BRD3: variants seen among roughly 807,000 people sequenced by gnomAD.
BRD3 encodes bromodomain-containing protein 3.
Under a neutral mutation model 66.8 loss-of-function variants are expected in BRD3, and 17 were observed. The ratio of observed to expected loss-of-function variants is 0.25; its 90% CI spans 0.17 to 0.38. The LOEUF (loss-of-function observed/expected upper bound fraction) is 0.38. BRD3 is among the 10% of genes least tolerant of loss of function. BRD3 has a pLI of 1.00. For synonymous variants in BRD3, 421 were observed against 393.2 expected, an observed-to-expected ratio of 1.07 and a Z score of -0.84; for missense variants, 713 against 956.1, an observed-to-expected ratio of 0.75 and a Z score of 3.35.
intron 1 of BRD3, among the ~76,000 whole-genome samples, chr9:134,064,100 C>T (rs118176937): frequency 0.013 from 1,992 of 152,326 alleles, 19 homozygotes; most frequent in Middle Eastern, 0.02. Flanking sequence ...GCCAACAGCA[C>T]GGACACAACA....
chr9:134,034,671 G>A (rs1210168349), intron 11 of BRD3, 30 bp downstream of exon 11: 2 of 1,600,328 alleles, frequency 1.2e-6, no homozygotes, highest in Admixed American at 1.7e-5. Flanking sequence ...CCCCCCTAAA[G>A]AGGGGTGGCA....
intron 1 of BRD3, chr9:134,055,812 G>A (rs1830410044): frequency 2.0e-5 from 3 of 152,758 alleles, no homozygotes; most frequent in Admixed American, 2.0e-4. Context: ...CACAAAGGAA[G>A]GCTCCCAGGC....
In BRD3 at chr9:134,050,549, G is replaced by T. The variant is rs201977681; in HGVS notation, c.539C>A (p.Ala180Glu). Residue 180 changes from alanine to glutamate, a missense_variant, in exon 5 of 12, where the codon GCG (alanine) becomes GAG (glutamate). This residue lies in a region of BRD3 where 120 missense variants were observed against 122.8 expected (regional missense o/e 0.98). Coordinates refer to ENST00000303407, the MANE Select transcript of BRD3 (RefSeq NM_007371.4). ...GGGGGGCACGCTCTGAAAGGGGGTC[G>T]CTGGGGAGACAGAGGACACGGCCGC... ...QVAAVSSVSP[A>E]TPFQSVPPTV... 1.8e-5 allele frequency: 29 copies of T among 1,605,010 alleles called. No individual in the cohort carries two copies. Among genetic ancestry groups the T allele is most frequent in the Non-Finnish European group, 2.3e-5 (27 of 1,176,918 alleles).
chr9:134,066,369 G>C (rs1830653041), intron 1 of BRD3, among the ~76,000 whole-genome samples: 1 of 152,186 alleles, frequency 6.6e-6, no homozygotes, highest in Admixed American at 6.5e-5. Context: ...ATTTGCAAAT[G>C]AGAGGCTGCA....
intron 1 of BRD3, chr9:134,055,933 A>G (rs1830413535): frequency 1.3e-5 from 2 of 152,382 alleles, no homozygotes; most frequent in African/African-American, 4.8e-5. Context: ...CCTCTAAGCC[A>G]CCCACTTCCA....
intron 1 of BRD3, among the ~76,000 whole-genome samples, chr9:134,063,328 AG>A (rs1244956034): frequency 6.6e-6 from 1 of 152,162 alleles, no homozygotes; most frequent in Non-Finnish European, 1.5e-5. Flanking sequence ...CCTCCTACCC[AG>A]CCCCTGGTAC....
At position 134,033,083 on chromosome 9, in the gene BRD3, C is replaced by T; in HGVS notation, c.*507G>A. 2.5e-6 allele frequency: 1 copy of T among 399,276 alleles called. No homozygotes were observed. The allele number at this position is 399,276 out of a possible 1,614,324, so 24.7% of individuals were successfully genotyped here. ...GCCTGGTCTCCACAAGCAGGCACAT[C>T]TGTCCTCAGCCCCTCCAGAAAGAGG... On this transcript the variant is annotated 3_prime_UTR_variant, in exon 12 of 12. Coordinates refer to ENST00000303407, the MANE Select transcript of BRD3 (RefSeq NM_007371.4). This position sits in a 1 kb window ranked among gnomAD's most constrained non-coding sequence, Gnocchi z 5.1.
chr9:134,031,702 T>G lies in BRD3; in HGVS notation c.*1888A>C, dbSNP rs1843514556. The G allele has an allele frequency of 1.9e-5, 4 of 213,624 alleles. No individual in the cohort carries two copies. The highest frequency in any genetic ancestry group is 3.8e-5 in the Non-Finnish European group (4 of 105,684). The allele number at this position is 213,624 out of a possible 1,614,324, so 13.2% of individuals were successfully genotyped here. The stretch of plus-strand genomic sequence containing the variant: ...GTATACCTACATCTGTAAGGGTCAG[T>G]GGACTCTGAATCAATTTTATGGTTG... On this transcript the variant is annotated 3_prime_UTR_variant, in exon 12 of 12. Coordinates refer to ENST00000303407, the MANE Select transcript of BRD3 (RefSeq NM_007371.4).
rs1042113898 is a variant in BRD3, at chr9:134,031,875, C to T, written c.*1715G>A. 9 of 222,590 alleles carry T rather than the reference C, an allele frequency of 4.0e-5. No individual in the cohort carries two copies. The highest frequency in any genetic ancestry group is 1.4e-3 in the Middle Eastern group (1 of 740). The allele number at this position is 222,590 out of a possible 1,614,324, so 13.8% of individuals were successfully genotyped here. A position where few individuals can be genotyped will look rare whatever the true frequency, so the allele number is the denominator to read the frequency against. ...CTGGAGGCTCCCCCACGCTGAGGTC[C>T]GGGAGAATGCCTGGTTTCAGTCATT... On this transcript the variant is annotated 3_prime_UTR_variant, in exon 12 of 12. Coordinates refer to ENST00000303407, the MANE Select transcript of BRD3 (RefSeq NM_007371.4).
At chr9:134,043,330 C>T (rs1254706056) in intron 7 of BRD3, among the ~76,000 whole-genome samples, 1 of 152,238 alleles carries the variant, frequency 6.6e-6, no homozygotes, top group African/African-American at 2.4e-5. Context: ...TCCGTCACCC[C>T]TCTCAGCAAA....
chr9:134,046,597 A>ATTT (rs1246255559), intron 6 of BRD3, among the ~76,000 whole-genome samples: 13 of 152,156 alleles, frequency 8.5e-5, no homozygotes, highest in Non-Finnish European at 1.8e-4. Flanking sequence ...ATGTTGGGGG[A>ATTT]AAAGCTAGTT....
intron 1 of BRD3, among the ~76,000 whole-genome samples, chr9:134,059,376 G>GA (rs2132448547): frequency 6.6e-6 from 1 of 152,350 alleles, no homozygotes; most frequent in African/African-American, 2.4e-5. Flanking sequence ...GGAATAAGCC[G>GA]ACGGGACTCC....
chr9:134,032,789 C>T lies in BRD3; in HGVS notation c.*801G>A, dbSNP rs1843531308. On this transcript the variant is annotated 3_prime_UTR_variant, in exon 12 of 12. Transcript: ENST00000303407. Reference sequence around the variant, plus strand: ...GCAGCGCTAGCCAGGCGGGGACTCACAGCGGGCTGGACTTCCGTAGAAAAT... The same window carrying T: ...GCAGCGCTAGCCAGGCGGGGACTCATAGCGGGCTGGACTTCCGTAGAAAAT... 4.0e-6 allele frequency: 1 copy of T among 249,446 alleles called. No individual in the cohort carries two copies. Among genetic ancestry groups the T allele is most frequent in the Non-Finnish European group, 7.7e-6 (1 of 130,384 alleles). 15.5% of individuals were successfully genotyped at this position (249,446 alleles called of 1,614,324 possible). A position where few individuals can be genotyped will look rare whatever the true frequency, so the allele number is the denominator to read the frequency against.
intron 7 of BRD3, among the ~76,000 whole-genome samples, chr9:134,043,591 G>A (rs376010883): frequency 9.2e-5 from 14 of 152,338 alleles, no homozygotes; most frequent in Non-Finnish European, 1.8e-4. Flanking sequence ...CCAGGCCCCC[G>A]CTCGGCCGAC....
intron 6 of BRD3, among the ~76,000 whole-genome samples, chr9:134,046,158 G>T (rs1251603726): frequency 6.6e-6 from 1 of 152,228 alleles, no homozygotes; most frequent in African/African-American, 2.4e-5. Context: ...GGCGGCAGGG[G>T]TAAGGAGGGG....
At position 134,051,636 on chromosome 9, in the gene BRD3, T is replaced by G; in HGVS notation, c.425A>C (p.Gln142Pro). The stretch of plus-strand genomic sequence containing the variant: ...AGGGGGTAATAATTCAACTTCCTCT[T>G]GGGGCATCTGGGCCACTTTTTGTAG... ...IFLQKVAQMPQEEVELLPPAP... is the reference protein window; with the variant it reads ...IFLQKVAQMPPEEVELLPPAP... Residue 142 changes from glutamine (Q) to proline (P), a missense_variant, in exon 4 of 12, where the codon CAA becomes CCA. Gln to Pro is a moderately conservative substitution (Grantham distance 76). Coordinates refer to ENST00000303407, the MANE Select transcript of BRD3 (RefSeq NM_007371.4). The G allele has an allele frequency of 6.3e-7, 1 of 1,590,256 alleles. No homozygotes were observed. The highest frequency in any genetic ancestry group is 8.5e-7 in the Non-Finnish European group (1 of 1,172,400).
Position 134,041,028 on chromosome 9 carries a change from C to T in BRD3, c.1407+732G>A, listed in dbSNP as rs142937104. 5.3e-3 allele frequency among the ~76,000 whole-genome samples: 802 copies of T among 152,330 alleles called. 6 individuals carry two copies. Among genetic ancestry groups the T allele is most frequent in the African/African-American group, 0.017 (722 of 41,566 alleles). On this transcript the variant is annotated intron_variant, in intron 8 of 11. Coordinates refer to ENST00000303407, the MANE Select transcript of BRD3 (RefSeq NM_007371.4). Reference sequence around the variant, plus strand: ...GGTGGAGGAGCTGCCACCTCACAGCCGTCTTCCCTGCTGTGTGTCCTTGCC... The same window carrying T: ...GGTGGAGGAGCTGCCACCTCACAGCTGTCTTCCCTGCTGTGTGTCCTTGCC...
chr9:134,060,714 C>G (rs1349505615), intron 1 of BRD3, among the ~76,000 whole-genome samples: 1 of 152,108 alleles, frequency 6.6e-6, no homozygotes, highest in African/African-American at 2.4e-5. Flanking sequence ...TTCCTGGGTC[C>G]CACTCATGCC....
chr9:134,060,683 C>A (rs545525545), intron 1 of BRD3, among the ~76,000 whole-genome samples: 8 of 152,090 alleles, frequency 5.3e-5, no homozygotes, highest in Non-Finnish European at 1.2e-4. Context: ...GGCCAGGCTC[C>A]CCTAACACTG....
Sources: allele counts gnomAD v4.1 joint callset (sites outside exome capture counted in the v4.1 genomes callset), GRCh38; gene constraint gnomAD v4.1.1; regional missense constraint gnomAD v4.1.1; non-coding constraint Gnocchi (gnomAD v3.1); transcripts MANE v1.5; gene names NCBI Gene and HGNC (gene_info 2026-07-23, HGNC 2026-07-21).